The following PGM3 variants were observed in gnomAD, a reference collection of about 807,000 sequenced individuals.
The protein encoded by PGM3 is phosphoacetylglucosamine mutase.
Under a neutral mutation model 66.2 loss-of-function variants are expected in PGM3, and 40 were observed. That is an observed-to-expected ratio of 0.60 (90% CI 0.47 to 0.79). PGM3 has a LOEUF of 0.79. PGM3 is among the 30% of genes least tolerant of loss of function. PGM3 has a pLI of 0.00. For missense variants in PGM3, 537 were observed against 643.4 expected, an observed-to-expected ratio of 0.83 and a Z score of 1.79; for synonymous variants, 191 against 224.2, an observed-to-expected ratio of 0.85 and a Z score of 1.32.
In PGM3 at chr6:83,169,259, C is replaced by G. The variant is rs1485428567; in HGVS notation, c.1604G>C (p.Gly535Ala). The G allele has an allele frequency of 6.2e-7, 1 of 1,614,088 alleles. No homozygotes were observed. The highest frequency in any genetic ancestry group is 1.7e-5 in the Admixed American group (1 of 60,026). ...LAVFQLAGGI[G>A]ERPQPGF ...TCAGAAACCTGGTTGGGGCCTTTCTCCAATTCCTCCAGCCAGCTGAAATAC... is the reference window on the plus strand; with the variant it reads ...TCAGAAACCTGGTTGGGGCCTTTCTGCAATTCCTCCAGCCAGCTGAAATAC... The change falls in exon 13 of 13, where the codon GGA becomes GCA. Residue 535 changes from glycine to alanine, a missense_variant. By Grantham distance (60) the Gly-to-Ala change is moderately conservative. Transcript: ENST00000513973.
In PGM3 at chr6:83,174,364, C is replaced by G. The variant is rs779680576; in HGVS notation, c.1242+10G>C. ...GGTAACCAAGAGTCCACTGCCCCATCAGTTCTGACCTGGTTAAACAAGTCA... is the reference window on the plus strand; with the variant it reads ...GGTAACCAAGAGTCCACTGCCCCATGAGTTCTGACCTGGTTAAACAAGTCA... On this transcript the variant is annotated intron_variant, in intron 10 of 12. Coordinates refer to ENST00000513973, the MANE Select transcript of PGM3 (RefSeq NM_015599.3). 6.6e-6 allele frequency: 9 copies of G among 1,357,580 alleles called. No individual in the cohort carries two copies. In the South Asian group the frequency reaches 1.1e-4, roughly 16 times the overall value. 84.1% of individuals were successfully genotyped at this position (1,357,580 alleles called of 1,614,324 possible).
Position 83,169,285 on chromosome 6 carries a change from T to C in PGM3, c.1578A>G (p.Ala526=). The change falls in exon 13 of 13, where the codon GCA becomes GCG. Residue 526 remains alanine, a synonymous_variant. Coordinates refer to ENST00000513973, the MANE Select transcript of PGM3 (RefSeq NM_015599.3). The part of the protein sequence containing the change: ...ADHLAHEVSL[A]VFQLAGGIGE... The stretch of plus-strand genomic sequence containing the variant: ...CAATTCCTCCAGCCAGCTGAAATAC[T>C]GCCAAGCTCACTTCATGTGCAAGGT... The C allele has an allele frequency of 6.2e-7, 1 of 1,614,024 alleles. No individual in the cohort carries two copies. The highest frequency in any genetic ancestry group is 8.5e-7 in the Non-Finnish European group (1 of 1,179,868).
Position 83,186,071 on chromosome 6 carries a change from G to C in PGM3, c.457+937C>G, listed in dbSNP as rs560805689. On this transcript the variant is annotated intron_variant, in intron 4 of 12. Transcript: ENST00000513973. The stretch of plus-strand genomic sequence containing the variant: ...GCCCCCTCTGAGTATCTGAGGAGAG[G>C]TACGCATGCACTCCCTGGGAAAGTG... Among the ~76,000 whole-genome samples the C allele has an allele frequency of 3.3e-5, 5 of 152,194 alleles. No individual in the cohort carries two copies. The South Asian group carries it at 1.0e-3, about 32-fold the overall frequency.
At chr6:83,192,719 G>A (rs1789233378) in intron 1 of PGM3, among the ~76,000 whole-genome samples, 1 of 151,916 alleles carries the variant, frequency 6.6e-6, no homozygotes, top group Non-Finnish European at 1.5e-5. Context: ...AAAAGGTCCA[G>A]ATAATATGAG....
intron 7 of PGM3, among the ~76,000 whole-genome samples, chr6:83,178,980 C>A (rs62419257): frequency 2.0e-5 from 3 of 152,148 alleles, no homozygotes; most frequent in African/African-American, 4.8e-5. Flanking sequence ...TTTTAAGAAG[C>A]CTGTATCTCC....
chr6:83,161,768 T>C (rs1784290893), downstream of PGM3, among the ~76,000 whole-genome samples: 1 of 152,188 alleles, frequency 6.6e-6, no homozygotes, highest in South Asian at 2.1e-4. Flanking sequence ...TCAGAGGTTA[T>C]ATTTACCAAA....
At chr6:83,153,645 T>A in the PGM3 span, 4 of 1,514,988 alleles carry the variant, frequency 2.6e-6, no homozygotes, top group Non-Finnish European at 3.6e-6. Flanking sequence ...TAAATAGTTT[T>A]TAAAATTAAT....
chr6:83,153,734 T>G, the PGM3 span: 2 of 1,168,356 alleles, frequency 1.7e-6, no homozygotes, highest in East Asian at 5.4e-5. Context: ...TTACCTTGAA[T>G]TATAATTGTT....
At chr6:83,191,297 G>A in intron 1 of PGM3, 5 of 1,452,050 alleles carry the variant, frequency 3.4e-6, no homozygotes, top group South Asian at 1.2e-5. Context: ...CTGGACGCCG[G>A]GCACACTTAA....
chr6:83,182,058 C>A, intron 5 of PGM3, 127 bp from the exon 6 acceptor site: 1 of 533,332 alleles, frequency 1.9e-6, no homozygotes, highest in Non-Finnish European at 3.1e-6. Context: ...TAAATTTTAT[C>A]AATTATAATT....
chr6:83,176,081 G>C, intron 8 of PGM3, 21 bp from the exon 9 acceptor site: 1 of 1,269,650 alleles, frequency 7.9e-7, no homozygotes, highest in Non-Finnish European at 1.2e-6. Flanking sequence ...TGCATTTAAA[G>C]AAATACAGCA....
chr6:83,164,797 T>C (rs1473353246), downstream of PGM3: 10 of 1,208,976 alleles, frequency 8.3e-6, no homozygotes, highest in Non-Finnish European at 1.2e-5. Flanking sequence ...GGTCTGAATG[T>C]CAACAAGTAC....
intron 6 of PGM3, among the ~76,000 whole-genome samples, chr6:83,180,803 T>C (rs1788123234): frequency 6.6e-6 from 1 of 152,192 alleles, no homozygotes; most frequent in Non-Finnish European, 1.5e-5. Context: ...TTGACTACAC[T>C]GACATTTTAA....
downstream of PGM3, chr6:83,157,127 A>G (rs568748332): frequency 4.5e-5 from 70 of 1,566,052 alleles, no homozygotes; most frequent in African/African-American, 6.7e-4. Context: ...CAATATAGAA[A>G]GTTTTATGTG....
downstream of PGM3, chr6:83,159,784 T>A: frequency 6.2e-7 from 1 of 1,614,156 alleles, no homozygotes; most frequent in South Asian, 1.1e-5. Flanking sequence ...CAGCACTGTC[T>A]CCTGCTTACA....
chr6:83,192,416 A>G lies in PGM3; in HGVS notation c.-3+763T>C, dbSNP rs545253068. Among the ~76,000 whole-genome samples, 4 of 152,332 alleles carry G rather than the reference A, an allele frequency of 2.6e-5. No homozygotes were observed. In the South Asian group the frequency reaches 8.3e-4, roughly 32 times the overall value. On this transcript the variant is annotated intron_variant, in intron 1 of 12. Coordinates refer to ENST00000513973, the MANE Select transcript of PGM3 (RefSeq NM_015599.3). ...ACATTTCCTGGGTCAATTAATTCCC[A>G]ATTAGCCCAGAGATGAGGAGCAGTC...
the PGM3 span, chr6:83,154,250 T>C: frequency 6.2e-7 from 1 of 1,611,574 alleles, no homozygotes. Context: ...GAGTGAGTAT[T>C]ACGGGATGAC....
At chr6:83,157,510 C>G (rs1298157357), downstream of PGM3, among the ~76,000 whole-genome samples, 1 of 152,172 alleles carries the variant, frequency 6.6e-6, no homozygotes, top group Non-Finnish European at 1.5e-5. Context: ...AATTTACAAA[C>G]ATGCAACATA....
downstream of PGM3, chr6:83,164,640 TCTC>T (rs776836297): frequency 3.8e-6 from 6 of 1,559,342 alleles, no homozygotes; most frequent in African/African-American, 5.4e-5. Context: ...GGCTGTGAGT[TCTC>T]CTCTTTCCTT....
Sources: allele counts gnomAD v4.1 joint callset (sites outside exome capture counted in the v4.1 genomes callset), GRCh38; gene constraint gnomAD v4.1.1; transcripts MANE v1.5; gene names NCBI Gene and HGNC (gene_info 2026-07-23, HGNC 2026-07-21).